Variants in ST3GAL3 observed in about 807,000 individuals in gnomAD.
ST3GAL3 encodes the protein CMP-N-acetylneuraminate-beta-1,4-galactoside alpha-2,3-sialyltransferase.
In ST3GAL3, 21 loss-of-function variants were observed where a neutral mutation model predicts 50.1. The observed-to-expected ratio is 0.42, with a 90% CI of 0.30 to 0.60. ST3GAL3 has a LOEUF of 0.60. ST3GAL3 is among the 20% of genes least tolerant of loss of function. The pLI, the probability that ST3GAL3 is intolerant of heterozygous loss-of-function variation, is 0.19. For synonymous variants in ST3GAL3, 183 were observed against 190.0 expected (o/e 0.96, Z 0.30); for missense variants, 353 against 489.4 (o/e 0.72, Z 2.63).
At position 43,920,922 on chromosome 1, in the gene ST3GAL3, C is replaced by G; in HGVS notation, c.1032C>G (p.Ile344Met). The part of the protein sequence containing the change: ...HYYETVRMAA[I>M]KESWTHNIQR... ...ATGAGACCGTTCGCATGGCAGCCAT[C>G]AAAGAGGTTCGGGGCTGGGTATGGG... is the stretch of plus-strand genomic sequence containing the variant. The change falls in exon 11 of 12, where the codon ATC becomes ATG. Residue 344 changes from isoleucine (I) to methionine (M), a missense_variant. By Grantham distance (10) the Ile-to-Met change is conservative (BLOSUM62 1). Transcript: ENST00000347631. 1.9e-6 allele frequency: 3 copies of G among 1,611,446 alleles called. No homozygotes were observed. Among genetic ancestry groups the G allele is most frequent in the Non-Finnish European group, 2.5e-6 (3 of 1,178,632 alleles).
At position 43,879,788 on chromosome 1, in the gene ST3GAL3, C is replaced by T. The variant is rs569348315; in HGVS notation, c.303-14595C>T. Among the ~76,000 whole-genome samples the T allele has an allele frequency of 3.7e-4, 57 of 152,362 alleles. No individual in the cohort carries two copies. In the South Asian group the frequency reaches 0.011, roughly 30 times the overall value. ...CTCACCATCAAAGCCAGAGCCGCTGCTCCTGCACCGTGACCCTGCGTATCA... is the reference window on the plus strand; with the variant it reads ...CTCACCATCAAAGCCAGAGCCGCTGTTCCTGCACCGTGACCCTGCGTATCA... On this transcript the variant is annotated intron_variant, in intron 5 of 11. Transcript: ENST00000347631.
intron 5 of ST3GAL3, among the ~76,000 whole-genome samples, chr1:43,859,858 T>C (rs1229572696): frequency 6.6e-6 from 1 of 152,214 alleles, no homozygotes; most frequent in Admixed American, 6.5e-5. Flanking sequence ...GGTTAAGGGC[T>C]GTCTCCACCA....
At chr1:43,771,919 G>A in intron 2 of ST3GAL3, 2 of 398,444 alleles carry the variant, frequency 5.0e-6, no homozygotes, top group Non-Finnish European at 8.8e-6. Flanking sequence ...GCCCCTGGAT[G>A]TTGGGGTCAC....
chr1:43,739,235 G>A (rs2154094905), intron 2 of ST3GAL3: 1 of 152,128 alleles, frequency 6.6e-6, no homozygotes, highest in East Asian at 1.9e-4. Flanking sequence ...TTTGGTTTTT[G>A]TTTTTGGCAC....
intron 4 of ST3GAL3, among the ~76,000 whole-genome samples, chr1:43,829,145 G>T (rs1253847619): frequency 6.7e-6 from 1 of 149,626 alleles, no homozygotes; most frequent in East Asian, 1.9e-4. Flanking sequence ...AATATAAAAA[G>T]TGTATTTTAT....
chr1:43,744,851 C>T (rs545558794), intron 2 of ST3GAL3, among the ~76,000 whole-genome samples: 1 of 151,350 alleles, frequency 6.6e-6, no homozygotes, highest in East Asian at 2.0e-4. Flanking sequence ...ATTAGCTTGG[C>T]GTGATGGCAT....
At chr1:43,733,174 T>C (rs1676680493) in intron 1 of ST3GAL3, among the ~76,000 whole-genome samples, 1 of 152,104 alleles carries the variant, frequency 6.6e-6, no homozygotes, top group South Asian at 2.1e-4. Flanking sequence ...TTAAAATTTT[T>C]TGTAGAGATG....
Position 43,736,093 on chromosome 1 carries a change from G to A in ST3GAL3, c.-30-140G>A. On this transcript the variant is annotated intron_variant, in intron 1 of 11. Transcript: ENST00000347631. ...CTGTTTTTTGAGATGGGGATGAGCA[G>A]GTTAGAAGATGCCATGATATGAAAG... is the stretch of plus-strand genomic sequence containing the variant. 6.5e-6 allele frequency: 5 copies of A among 773,230 alleles called. No individual in the cohort carries two copies. In the South Asian group the frequency reaches 8.0e-5, roughly 12 times the overall value. The allele number at this position is 773,230 out of a possible 1,614,324, so 47.9% of individuals were successfully genotyped here. A position where few individuals can be genotyped will look rare whatever the true frequency, so the allele number is the denominator to read the frequency against.
chr1:43,852,196 C>G (rs1007109798), intron 5 of ST3GAL3, among the ~76,000 whole-genome samples: 2 of 152,138 alleles, frequency 1.3e-5, no homozygotes, highest in African/African-American at 4.8e-5. Flanking sequence ...GCTGGGAAGT[C>G]CTCCTTTCCT....
chr1:43,907,092 G>A (rs2079908197), intron 9 of ST3GAL3, among the ~76,000 whole-genome samples: 1 of 152,154 alleles, frequency 6.6e-6, no homozygotes. Flanking sequence ...TGGACGATGT[G>A]GTTTATATGC....
intron 5 of ST3GAL3, among the ~76,000 whole-genome samples, chr1:43,862,923 C>T (rs1309150393): frequency 1.3e-5 from 2 of 152,022 alleles, no homozygotes; most frequent in African/African-American, 4.8e-5. Flanking sequence ...TTCAAAAAAA[C>T]AGTGGACAGA....
chr1:43,876,611 T>C (rs2074167026), intron 5 of ST3GAL3, among the ~76,000 whole-genome samples: 1 of 152,178 alleles, frequency 6.6e-6, no homozygotes, highest in African/African-American at 2.4e-5. Context: ...GGGACTTGCT[T>C]ATCTCCATAA....
At chr1:43,859,029 A>C (rs2069218668) in intron 5 of ST3GAL3, among the ~76,000 whole-genome samples, 1 of 152,210 alleles carries the variant, frequency 6.6e-6, no homozygotes, top group African/African-American at 2.4e-5. Flanking sequence ...CTCAGGAGAG[A>C]GGTCTGGGCT....
At chr1:43,920,620 G>T in intron 10 of ST3GAL3, 70 bp downstream of exon 10, 2 of 1,604,680 alleles carry the variant, frequency 1.2e-6, no homozygotes, top group South Asian at 1.1e-5. Flanking sequence ...GGAAGGGTGG[G>T]TGGTGGGTGG....
chr1:43,918,352 A>G (rs1246371392), intron 9 of ST3GAL3, among the ~76,000 whole-genome samples: 1 of 151,594 alleles, frequency 6.6e-6, no homozygotes, highest in Non-Finnish European at 1.5e-5. Flanking sequence ...TCCTGGGCTC[A>G]AGCAATCCAC....
At chr1:43,817,599 CT>C (rs1466929203) in intron 4 of ST3GAL3, among the ~76,000 whole-genome samples, 1 of 75,634 alleles carries the variant, frequency 1.3e-5, no homozygotes, top group African/African-American at 5.5e-5. Flanking sequence ...CTCCTCCTCC[CT>C]TCTCCTTCTC....
At chr1:43,887,430 G>C (rs1455776565) in intron 5 of ST3GAL3, among the ~76,000 whole-genome samples, 1 of 152,118 alleles carries the variant, frequency 6.6e-6, no homozygotes, top group African/African-American at 2.4e-5. Flanking sequence ...AAATCAAGTG[G>C]GTTTGGAGTG....
chr1:43,813,901 A>T (rs57543060), intron 3 of ST3GAL3, among the ~76,000 whole-genome samples: 1 of 63,252 alleles, frequency 1.6e-5, no homozygotes, highest in African/African-American at 4.4e-5. Context: ...ACACGCACAC[A>T]CGCACACACA....
chr1:43,792,046 C>T lies in ST3GAL3; in HGVS notation c.119-56C>T, dbSNP rs555824553. The stretch of plus-strand genomic sequence containing the variant: ...AGGGTTTGGGCAGAGCCAGTGGGAG[C>T]TTGCTTTTTTATTATAAGAAGGAGA... On this transcript the variant is annotated intron_variant, in intron 2 of 11. Coordinates refer to ENST00000347631, the MANE Select transcript of ST3GAL3 (RefSeq NM_006279.5). The T allele has an allele frequency of 2.5e-6, 4 of 1,609,038 alleles. No homozygotes were observed. The African/African-American group carries it at 5.3e-5, about 21-fold the overall frequency.
Sources: allele counts gnomAD v4.1 joint callset (sites outside exome capture counted in the v4.1 genomes callset), GRCh38; gene constraint gnomAD v4.1.1; transcripts MANE v1.5; gene names NCBI Gene and HGNC (gene_info 2026-07-23, HGNC 2026-07-21).